SRGAP2: variants seen among roughly 807,000 people sequenced by gnomAD.
SRGAP2 encodes the protein SLIT-ROBO Rho GTPase activating protein 2.
A neutral mutation model predicts 57.2 loss-of-function variants in SRGAP2; 15 were observed. That is an observed-to-expected ratio of 0.26 (90% CI 0.18 to 0.40). The LOEUF is 0.40. Among genes scored for constraint, SRGAP2 ranks in the 10% least tolerant of loss-of-function variants. The pLI, the probability that SRGAP2 is intolerant of heterozygous loss-of-function variation, is 1.00. For missense variants in SRGAP2, 520 were observed against 669.6 expected (o/e 0.78, Z 2.47); for synonymous variants, 249 against 248.0 (o/e 1.00, Z -0.04).
At chr1:206,439,842 C>T (rs1553371275) in intron 16 of SRGAP2, 134 bp from the exon 17 acceptor site, 6 of 632,660 alleles carry the variant, frequency 9.5e-6, no homozygotes, top group Non-Finnish European at 1.7e-5. Context: ...ACACTCCTGT[C>T]ACTGCACCAG....
At chr1:206,347,325 C>T (rs868985351) in intron 4 of SRGAP2, among the ~76,000 whole-genome samples, 12 of 149,096 alleles carry the variant, frequency 8.0e-5, no homozygotes, top group African/African-American at 2.5e-4. Flanking sequence ...CGCCTGTAAT[C>T]GCAGCGCTTT....
chr1:206,353,474 C>T (rs1676183221), intron 4 of SRGAP2, among the ~76,000 whole-genome samples: 1 of 151,690 alleles, frequency 6.6e-6, no homozygotes, highest in South Asian at 2.1e-4. Context: ...TGGTGAAACC[C>T]CGTCTCTACT....
chr1:206,312,642 T>C (rs1212901562), intron 3 of SRGAP2, among the ~76,000 whole-genome samples: 2 of 152,016 alleles, frequency 1.3e-5, no homozygotes, highest in African/African-American at 2.4e-5. Flanking sequence ...CAGATAGAAC[T>C]GTAGCGATTA....
rs566625693 is a variant in SRGAP2 at position 206,353,798 on chromosome 1, A to ATT, written c.423+10808_423+10809dup. 4.3e-3 allele frequency among the ~76,000 whole-genome samples: 542 copies of ATT among 127,308 alleles called. 5 individuals carry two copies. Among genetic ancestry groups the ATT allele is most frequent in the African/African-American group, 0.012 (391 of 32,866 alleles). 83.5% of individuals were successfully genotyped at this position (127,308 alleles called of 152,430 possible). A position where few individuals can be genotyped will look rare whatever the true frequency, so the allele number is the denominator to read the frequency against. On this transcript the variant is annotated intron_variant, in intron 4 of 22. Transcript: ENST00000573034. Reference sequence around the variant, plus strand: ...ATCCAATGAATTTTTTTTATTTCAGATTTTTTTTTTTTTTTTTTTGAGATG... The same window carrying ATT: ...ATCCAATGAATTTTTTTTATTTCAGATTTTTTTTTTTTTTTTTTTTTGAGATG...
At chr1:206,284,622 A>G (rs1670918551) in intron 2 of SRGAP2, among the ~76,000 whole-genome samples, 2 of 151,288 alleles carry the variant, frequency 1.3e-5, no homozygotes, top group Non-Finnish European at 2.9e-5. Context: ...TAATTTTTGT[A>G]TTGTTTTGTA....
At chr1:206,421,463 A>ATG (rs1660298707) in intron 13 of SRGAP2, among the ~76,000 whole-genome samples, 189 bp downstream of exon 13, 1 of 152,240 alleles carries the variant, frequency 6.6e-6, no homozygotes, top group South Asian at 2.1e-4. Context: ...GAGTGGCCAT[A>ATG]GTCTTTTTGA....
At chr1:206,442,934 C>G (rs1553372567) in intron 17 of SRGAP2, among the ~76,000 whole-genome samples, 1 of 152,088 alleles carries the variant, frequency 6.6e-6, no homozygotes, top group South Asian at 2.1e-4. Context: ...TTATTTCTGG[C>G]TACTGTTTGT....
intron 2 of SRGAP2, among the ~76,000 whole-genome samples, chr1:206,208,600 T>G (rs1666108413): frequency 1.3e-5 from 2 of 152,336 alleles, no homozygotes; most frequent in African/African-American, 4.8e-5. Flanking sequence ...GAGCTTATAT[T>G]CTGGAAGCTG....
chr1:206,236,954 G>A (rs1365991710), intron 2 of SRGAP2, among the ~76,000 whole-genome samples: 3 of 135,724 alleles, frequency 2.2e-5, no homozygotes, highest in Non-Finnish European at 4.6e-5. Flanking sequence ...TAACTCCTGG[G>A]CTCAAGCCAT....
At chr1:206,254,179 GTTT>G (rs373417477) in intron 2 of SRGAP2, among the ~76,000 whole-genome samples, 2 of 47,136 alleles carry the variant, frequency 4.2e-5, no homozygotes, top group Non-Finnish European at 7.5e-5. Context: ...TGCTTTTTCT[GTTT>G]TTTTTTTTTT....
intron 12 of SRGAP2, among the ~76,000 whole-genome samples, chr1:206,419,737 T>G (rs567062202): frequency 6.6e-6 from 1 of 151,826 alleles, no homozygotes; most frequent in African/African-American, 2.4e-5. Context: ...TAACCTTAGC[T>G]GCTAGACTTC....
intron 3 of SRGAP2, among the ~76,000 whole-genome samples, chr1:206,331,431 G>A (rs2102874784): frequency 1.3e-5 from 1 of 79,064 alleles, no homozygotes; most frequent in South Asian, 5.7e-4. Context: ...CATTATTAAT[G>A]TGTGGGAGTC....
At chr1:206,423,747 A>G (rs1350948198) in intron 13 of SRGAP2, among the ~76,000 whole-genome samples, 1 of 151,800 alleles carries the variant, frequency 6.6e-6, no homozygotes, top group Non-Finnish European at 1.5e-5. Flanking sequence ...CAGATAATGC[A>G]TATTCACAGA....
chr1:206,252,286 T>TC (rs1234688507), intron 2 of SRGAP2, among the ~76,000 whole-genome samples: 7 of 148,720 alleles, frequency 4.7e-5, no homozygotes, highest in South Asian at 4.4e-4. Flanking sequence ...CTTTTTTTTT[T>TC]CCCCCAGTAA....
rs368388712 is a variant in SRGAP2, at chr1:206,461,095, G to A, written c.2891G>A (p.Ser964Asn). Residue 964 changes from serine to asparagine, a missense_variant, in exon 23 of 23, where the codon AGC becomes AAC. Around this residue, in one of 5 missense-constraint regions of SRGAP2, gnomAD observed 478 missense variants for 373.6 expected, o/e 1.28. Transcript: ENST00000573034. Reference sequence around the variant, plus strand: ...GAGCTACGGGAACTAGAACGGCAGAGCAGTGTCAAACACACCCCTGACGTG... The same window carrying A: ...GAGCTACGGGAACTAGAACGGCAGAACAGTGTCAAACACACCCCTGACGTG... The part of the protein sequence containing the change: ...LNELRELERQ[S>N]SVKHTPDVVL... The A allele has an allele frequency of 1.6e-5, 12 of 768,920 alleles. No individual in the cohort carries two copies. Among genetic ancestry groups the A allele is most frequent in the Admixed American group, 1.0e-4 (6 of 57,722 alleles). 47.6% of individuals were successfully genotyped at this position (768,920 alleles called of 1,614,324 possible).
At position 206,303,398 on chromosome 1, in the gene SRGAP2, AC is replaced by A. The variant is rs1671985536; in HGVS notation, c.186del (p.Tyr63ThrfsTer41). Reference protein sequence around the residue: ...FFRKKAEIEMDYSRNLEKLAE... With the variant: ...FFRKKAEIEMXYSRNLEKLAE... ...CGAAAGAAGGCAGAGATTGAGATGG[AC>A]TACTCCCGCAACCTGGAGAAGCTGG... On this transcript the variant is annotated frameshift_variant, in exon 3 of 23. Coordinates refer to ENST00000573034, the MANE Select transcript of SRGAP2 (RefSeq NM_015326.5). LOFTEE classifies it high-confidence loss of function. 1 of 1,545,326 alleles carries A rather than the reference AC, an allele frequency of 6.5e-7. No individual in the cohort carries two copies. The highest frequency in any genetic ancestry group is 8.7e-7 in the Non-Finnish European group (1 of 1,144,794).
intron 4 of SRGAP2, among the ~76,000 whole-genome samples, chr1:206,356,636 GC>G (rs1558341875): frequency 6.6e-6 from 1 of 151,996 alleles, no homozygotes; most frequent in African/African-American, 2.4e-5. Context: ...TGCAGGACAG[GC>G]TTCTGTTGAC....
chr1:206,268,578 A>G (rs1553315331), intron 2 of SRGAP2, among the ~76,000 whole-genome samples: 1 of 152,024 alleles, frequency 6.6e-6, no homozygotes, highest in Non-Finnish European at 1.5e-5. Flanking sequence ...GGAGGAAGGC[A>G]GATAAAAAGG....
intron 2 of SRGAP2, among the ~76,000 whole-genome samples, chr1:206,268,476 A>G (rs2102649911): frequency 1.3e-5 from 2 of 152,278 alleles, no homozygotes; most frequent in African/African-American, 4.8e-5. Flanking sequence ...ATAAGACTAA[A>G]GCATAGGTAA....
Sources: gnomAD v4.1 joint callset for allele counts (sites outside exome capture counted in the v4.1 genomes callset) on GRCh38, gnomAD v4.1.1 for gene constraint, gnomAD v4.1.1 regional missense constraint, MANE v1.5 for transcripts, NCBI Gene and HGNC (gene_info 2026-07-23, HGNC 2026-07-21) for gene names.